NPHP1: variants seen among roughly 807,000 people sequenced by gnomAD.
NPHP1 encodes the protein nephrocystin-1.
Under a neutral mutation model 90.4 loss-of-function variants are expected in NPHP1, and 70 were observed. The ratio of observed to expected loss-of-function variants is 0.77; its 90% CI spans 0.64 to 0.95. The LOEUF (loss-of-function observed/expected upper bound fraction) is 0.95, where lower values mean the gene tolerates loss of function less well. Ranked by LOEUF, NPHP1 falls within the 40% of genes least tolerant of loss-of-function variation. The pLI, the probability that NPHP1 is intolerant of heterozygous loss-of-function variation, is 0.00. For missense variants in NPHP1, 764 were observed against 795.9 expected (o/e 0.96, Z 0.48); for synonymous variants, 256 against 271.7 (o/e 0.94, Z 0.57).
At chr2:110,161,157 C>A (rs1471840023) in intron 10 of NPHP1, among the ~76,000 whole-genome samples, 2 of 152,026 alleles carry the variant, frequency 1.3e-5, no homozygotes, top group Admixed American at 6.6e-5. Flanking sequence ...CAGAGGGAGA[C>A]CCTGTCTCAA....
chr2:110,200,561 T>C (rs1324377050), intron 2 of NPHP1, among the ~76,000 whole-genome samples: 2 of 152,134 alleles, frequency 1.3e-5, no homozygotes, highest in Non-Finnish European at 2.9e-5. Flanking sequence ...AGATTTAGTC[T>C]CAAAAAATAA....
intron 16 of NPHP1, among the ~76,000 whole-genome samples, chr2:110,140,713 T>C (rs1297278392): frequency 6.6e-6 from 1 of 152,140 alleles, no homozygotes; most frequent in African/African-American, 2.4e-5. Flanking sequence ...ACTACTGTGC[T>C]GCTTTCTTTC....
chr2:110,153,043 G>A (rs1475221725), intron 11 of NPHP1, among the ~76,000 whole-genome samples: 3 of 151,986 alleles, frequency 2.0e-5, no homozygotes, highest in African/African-American at 4.8e-5. Flanking sequence ...GAAACACAAC[G>A]AAAATACCTT....
chr2:110,125,781 A>T, intron 18 of NPHP1, 100 bp from the exon 19 acceptor site: 1 of 961,102 alleles, frequency 1.0e-6, no homozygotes, highest in Non-Finnish European at 1.7e-6. Flanking sequence ...GACAGGGTTA[A>T]AAATGCTGTA....
chr2:110,152,517 A>T (rs1019437591), intron 11 of NPHP1, among the ~76,000 whole-genome samples: 1 of 151,418 alleles, frequency 6.6e-6, no homozygotes, highest in Non-Finnish European at 1.5e-5. Context: ...ATGGGGTAGC[A>T]AGGGGCTGGA....
At chr2:110,143,448 A>G (rs557451061) in intron 16 of NPHP1, 94 bp downstream of exon 16, 2 of 862,118 alleles carry the variant, frequency 2.3e-6, no homozygotes, top group Non-Finnish European at 4.0e-6. Flanking sequence ...TTATAACAAA[A>G]GATGACTAAA....
At chr2:110,196,050 C>T (rs1685141430) in intron 2 of NPHP1, among the ~76,000 whole-genome samples, 1 of 151,926 alleles carries the variant, frequency 6.6e-6, no homozygotes, top group Non-Finnish European at 1.5e-5. Flanking sequence ...CCATAAAAAC[C>T]CTAGAAGAAA....
Position 110,123,760 on chromosome 2 carries a change from G to A in NPHP1, c.*31C>T, listed in dbSNP as rs141773308. The A allele has an allele frequency of 3.8e-4, 606 of 1,610,290 alleles. 3 individuals carry two copies. The African/African-American group carries it at 5.4e-3, about 14-fold the overall frequency. ...AATCGTGGAGGATCCATCTGATTCC[G>A]TGGGAAGCTGAGGGCTAGAGGCTGC... On this transcript the variant is annotated 3_prime_UTR_variant, in exon 20 of 20. Transcript: ENST00000445609.
intron 4 of NPHP1, among the ~76,000 whole-genome samples, chr2:110,175,095 T>C (rs1312518343): frequency 1.3e-5 from 2 of 151,952 alleles, no homozygotes; most frequent in Admixed American, 1.3e-4. Flanking sequence ...CTCACAGGAG[T>C]CTTAAGTCTG....
intron 16 of NPHP1, among the ~76,000 whole-genome samples, chr2:110,136,102 G>T (rs1471057386): frequency 6.6e-6 from 1 of 151,954 alleles, no homozygotes; most frequent in African/African-American, 2.4e-5. Flanking sequence ...TGCAGAAAAG[G>T]CCTTTGACAA....
chr2:110,186,891 A>G (rs1684318774), intron 2 of NPHP1, among the ~76,000 whole-genome samples: 1 of 152,150 alleles, frequency 6.6e-6, no homozygotes, highest in Non-Finnish European at 1.5e-5. Context: ...TCACACAACT[A>G]CAAGGAAAAT....
chr2:110,151,952 T>C (rs1043496621), intron 11 of NPHP1, among the ~76,000 whole-genome samples: 1 of 152,202 alleles, frequency 6.6e-6, no homozygotes, highest in South Asian at 2.1e-4. Flanking sequence ...TTCTGTTTGA[T>C]AATTTTATAT....
At chr2:110,185,050 T>G in intron 2 of NPHP1, 1 of 599,754 alleles carries the variant, frequency 1.7e-6, no homozygotes, top group Non-Finnish European at 3.2e-6. Flanking sequence ...TATTTGCACC[T>G]CAGGAGAGAC....
intron 15 of NPHP1, chr2:110,144,082 T>G: frequency 3.2e-6 from 1 of 311,470 alleles, no homozygotes. Flanking sequence ...TTGCTCTTCA[T>G]TCTCCCATTA....
At chr2:110,155,697 T>C (rs1681840251) in intron 11 of NPHP1, among the ~76,000 whole-genome samples, 1 of 152,140 alleles carries the variant, frequency 6.6e-6, no homozygotes, top group South Asian at 2.1e-4. Context: ...GTAGCCTCTT[T>C]GTTTTGGCCA....
chr2:110,135,359 C>A (rs1680096589), intron 16 of NPHP1, among the ~76,000 whole-genome samples: 1 of 150,972 alleles, frequency 6.6e-6, no homozygotes. Context: ...CGCCTGTAGT[C>A]CCAGCTACTT....
At chr2:110,196,859 A>G (rs1289300549) in intron 2 of NPHP1, among the ~76,000 whole-genome samples, 1 of 152,176 alleles carries the variant, frequency 6.6e-6, no homozygotes, top group Non-Finnish European at 1.5e-5. Context: ...TTGAAGGGAC[A>G]TGGATGAAGC....
At chr2:110,136,317 G>A (rs1002110549) in intron 16 of NPHP1, among the ~76,000 whole-genome samples, 7 of 152,096 alleles carry the variant, frequency 4.6e-5, no homozygotes, top group African/African-American at 1.4e-4. Flanking sequence ...TGGAAGTTCC[G>A]ACCAGGGCAA....
chr2:110,148,110 C>T, intron 12 of NPHP1, 84 bp from the exon 13 acceptor site: 4 of 894,222 alleles, frequency 4.5e-6, no homozygotes, highest in Non-Finnish European at 7.5e-6. Flanking sequence ...ATGTCCCCAC[C>T]AAATTTCATG....
Sources: gnomAD v4.1 joint callset for allele counts (sites outside exome capture counted in the v4.1 genomes callset) on GRCh38, gnomAD v4.1.1 for gene constraint, MANE v1.5 for transcripts, NCBI Gene and HGNC (gene_info 2026-07-23, HGNC 2026-07-21) for gene names.